Variants in IPCEF1 observed in about 807,000 individuals in gnomAD.
IPCEF1 encodes the protein interactor protein for cytohesin exchange factors 1.
Under a neutral mutation model 50.9 loss-of-function variants are expected in IPCEF1, and 31 were observed. The observed-to-expected ratio is 0.61, with a 90% CI of 0.46 to 0.82. The LOEUF is 0.82. Among genes scored for constraint, IPCEF1 ranks in the 40% least tolerant of loss-of-function variants. The pLI is 0.00. For synonymous variants in IPCEF1, 181 were observed against 192.0 expected (o/e 0.94, Z 0.47); for missense variants, 458 against 514.0 (o/e 0.89, Z 1.05).
Position 154,158,949 on chromosome 6 carries a change from A to C in IPCEF1, c.*879T>G, listed in dbSNP as rs559670034. ...GAGTAAAGATATTAAAACAATTCAG[A>C]TGCCAAAGTCGTCTTGTCAATATTG... is the stretch of plus-strand genomic sequence containing the variant. On this transcript the variant is annotated 3_prime_UTR_variant, in exon 12 of 12. Coordinates refer to ENST00000367220, the MANE Select transcript of IPCEF1 (RefSeq NM_001130700.2). The C allele has an allele frequency of 3.9e-5, 6 of 152,304 alleles. No individual in the cohort carries two copies. The highest frequency in any genetic ancestry group is 7.3e-5 in the Non-Finnish European group (5 of 68,028). 9.4% of individuals were successfully genotyped at this position (152,304 alleles called of 1,614,324 possible).
intron 3 of IPCEF1, among the ~76,000 whole-genome samples, chr6:154,257,494 T>A (rs527994796): frequency 4.6e-5 from 7 of 152,320 alleles, no homozygotes; most frequent in African/African-American, 1.7e-4. Context: ...TGGCTTTTTA[T>A]GTTTTTCTTT....
intron 9 of IPCEF1, among the ~76,000 whole-genome samples, chr6:154,212,527 A>T (rs1216429909): frequency 6.6e-6 from 1 of 152,238 alleles, no homozygotes; most frequent in Non-Finnish European, 1.5e-5. Flanking sequence ...TTGCATCCTC[A>T]TGAATTCTCT....
chr6:154,267,984 C>G (rs1781800950), intron 2 of IPCEF1, among the ~76,000 whole-genome samples: 1 of 152,196 alleles, frequency 6.6e-6, no homozygotes, highest in Non-Finnish European at 1.5e-5. Flanking sequence ...CATGGGAGGG[C>G]CCAGAAAGGC....
rs535638127 is a variant in IPCEF1 at position 154,209,789 on chromosome 6, G to A, written c.537+2981C>T. Among the ~76,000 whole-genome samples, 14 of 152,128 alleles carry A rather than the reference G, an allele frequency of 9.2e-5. No homozygotes were observed. The South Asian group carries it at 2.1e-3, about 23-fold the overall frequency. ...AAAACAAAATCTGTCTGGGAAATAT[G>A]TGATCAGGAGGAACACATTCTGTTT... On this transcript the variant is annotated intron_variant, in intron 9 of 11. Coordinates refer to ENST00000367220, the MANE Select transcript of IPCEF1 (RefSeq NM_001130700.2).
intron 11 of IPCEF1, among the ~76,000 whole-genome samples, chr6:154,162,644 C>G (rs988033974): frequency 6.6e-6 from 1 of 152,204 alleles, no homozygotes. Flanking sequence ...CTCCTTGTCA[C>G]GCCACCTCTT....
Position 154,322,323 on chromosome 6 carries a change from C to T in IPCEF1, c.-61-32567G>A, listed in dbSNP as rs1253271355. ...CTTCAGGCCAGGAGCTGAAGACCAGCCTGGGCAAAATGGTGAGGCCCTGCC... is the reference window on the plus strand; with the variant it reads ...CTTCAGGCCAGGAGCTGAAGACCAGTCTGGGCAAAATGGTGAGGCCCTGCC... On this transcript the variant is annotated intron_variant, in intron 1 of 11. Transcript: ENST00000367220. Among the ~76,000 whole-genome samples the T allele has an allele frequency of 5.3e-5, 8 of 151,406 alleles. No individual in the cohort carries two copies. In the East Asian group the frequency reaches 1.6e-3, roughly 29 times the overall value.
At chr6:154,282,800 T>C (rs1001097582) in intron 2 of IPCEF1, among the ~76,000 whole-genome samples, 1 of 152,204 alleles carries the variant, frequency 6.6e-6, no homozygotes, top group African/African-American at 2.4e-5. Flanking sequence ...GTCTGAAATA[T>C]TGGGAAAGAG....
At chr6:154,245,768 T>G (rs567923169) in intron 5 of IPCEF1, among the ~76,000 whole-genome samples, 2 of 152,294 alleles carry the variant, frequency 1.3e-5, no homozygotes, top group Admixed American at 1.3e-4. Flanking sequence ...CAATCAAACC[T>G]CACTGGGTTT....
chr6:154,246,173 G>C (rs1219007132), intron 5 of IPCEF1, among the ~76,000 whole-genome samples: 3 of 152,156 alleles, frequency 2.0e-5, no homozygotes, highest in Non-Finnish European at 4.4e-5. Context: ...TCTCTGAATT[G>C]AATCAACTGA....
At chr6:154,245,446 T>G (rs1197718292) in intron 5 of IPCEF1, among the ~76,000 whole-genome samples, 3 of 152,182 alleles carry the variant, frequency 2.0e-5, no homozygotes, top group Non-Finnish European at 4.4e-5. Context: ...ACCAAATCTT[T>G]AATGAACAGG....
chr6:154,349,798 A>G (rs1357658046), intron 1 of IPCEF1, among the ~76,000 whole-genome samples: 2 of 152,214 alleles, frequency 1.3e-5, no homozygotes, highest in African/African-American at 2.4e-5. Flanking sequence ...AGTTAGAAAA[A>G]GATTATATAA....
chr6:154,174,046 C>T (rs920934974), intron 10 of IPCEF1, among the ~76,000 whole-genome samples: 1 of 152,140 alleles, frequency 6.6e-6, no homozygotes, highest in Non-Finnish European at 1.5e-5. Flanking sequence ...GAATTTCCAA[C>T]CCAGAATTTC....
chr6:154,317,705 A>G (rs2128685019), intron 1 of IPCEF1, among the ~76,000 whole-genome samples: 1 of 152,256 alleles, frequency 6.6e-6, no homozygotes, highest in South Asian at 2.1e-4. Flanking sequence ...CACCCACTAT[A>G]ATGGGAAAAG....
At chr6:154,231,502 T>C (rs12209958) in intron 5 of IPCEF1, among the ~76,000 whole-genome samples, 14,889 of 152,308 alleles carry the variant, frequency 0.098, 1,195 homozygotes, top group East Asian at 0.43. Flanking sequence ...TGTCATCAGG[T>C]GACAGTTGAA....
chr6:154,208,077 C>A lies in IPCEF1; in HGVS notation c.537+4693G>T, dbSNP rs1413888880. 3.3e-5 allele frequency among the ~76,000 whole-genome samples: 5 copies of A among 151,966 alleles called. 1 individual carries two copies. Among genetic ancestry groups the A allele is most frequent in the Non-Finnish European group, 7.4e-5 (5 of 68,006 alleles). ...ACTTCCCAGTGTCTGTTGCACAGAG[C>A]AGATTGGGGGCTCCATTTGAAATGG... On this transcript the variant is annotated intron_variant, in intron 9 of 11. Coordinates refer to ENST00000367220, the MANE Select transcript of IPCEF1 (RefSeq NM_001130700.2).
chr6:154,257,411 T>G (rs1316231238), intron 3 of IPCEF1, among the ~76,000 whole-genome samples: 1 of 152,326 alleles, frequency 6.6e-6, no homozygotes. Flanking sequence ...AGCTCATGGC[T>G]TCAGTCATGC....
At chr6:154,294,170 C>A (rs760377060) in intron 1 of IPCEF1, among the ~76,000 whole-genome samples, 1 of 152,272 alleles carries the variant, frequency 6.6e-6, no homozygotes, top group Middle Eastern at 3.4e-3. Context: ...GGGCCCAATT[C>A]TTTTATTCAA....
chr6:154,299,692 C>T lies in IPCEF1; in HGVS notation c.-61-9936G>A, dbSNP rs1244832546. Among the ~76,000 whole-genome samples, 4 of 140,278 alleles carry T rather than the reference C, an allele frequency of 2.9e-5. 1 individual carries two copies. The highest frequency in any genetic ancestry group is 2.6e-5 in the African/African-American group (1 of 39,176). The allele number at this position is 140,278 out of a possible 152,430, so 92.0% of individuals were successfully genotyped here. ...TGGGTTGATAGGTGCAGCAAACCAC[C>T]GTGGCACACATTTACCTATGTAACC... On this transcript the variant is annotated intron_variant, in intron 1 of 11. Coordinates refer to ENST00000367220, the MANE Select transcript of IPCEF1 (RefSeq NM_001130700.2).
chr6:154,227,309 T>C (rs1779334562), intron 5 of IPCEF1, among the ~76,000 whole-genome samples: 1 of 152,186 alleles, frequency 6.6e-6, no homozygotes, highest in Non-Finnish European at 1.5e-5. Flanking sequence ...GCATGATTAG[T>C]TTCTAGACAA....
Sources: allele counts gnomAD v4.1 joint callset (sites outside exome capture counted in the v4.1 genomes callset), GRCh38; gene constraint gnomAD v4.1.1; transcripts MANE v1.5; gene names NCBI Gene and HGNC (gene_info 2026-07-23, HGNC 2026-07-21).